Variants in ZSWIM6 observed in about 807,000 individuals in gnomAD.
ZSWIM6 encodes zinc finger SWIM domain-containing protein 6.
Under a neutral mutation model 113.2 loss-of-function variants are expected in ZSWIM6, and 9 were observed. That is an observed-to-expected ratio of 0.08 (90% CI 0.05 to 0.14). ZSWIM6 has a LOEUF of 0.14. Among genes scored for constraint, ZSWIM6 ranks in the 10% least tolerant of loss-of-function variants. ZSWIM6 has a pLI of 1.00. For synonymous variants in ZSWIM6, 611 were observed against 606.5 expected (o/e 1.01, Z -0.11); for missense variants, 1,162 against 1,552.2 (o/e 0.75, Z 4.22).
At chr5:61,355,790 A>G (rs955227961) in intron 1 of ZSWIM6, among the ~76,000 whole-genome samples, 3 of 152,236 alleles carry the variant, frequency 2.0e-5, no homozygotes, top group Admixed American at 2.0e-4. Flanking sequence ...AATAAAAAGA[A>G]TGTAAAACAT....
rs1422977600 is a variant in ZSWIM6, at chr5:61,332,399, C to G, written c.127C>G (p.Arg43Gly). The G allele has an allele frequency of 1.8e-5, 18 of 990,916 alleles. No individual in the cohort carries two copies. The highest frequency in any genetic ancestry group is 4.5e-5 in the South Asian group (1 of 22,078). The allele number at this position is 990,916 out of a possible 1,614,324, so 61.4% of individuals were successfully genotyped here. A position where few individuals can be genotyped will look rare whatever the true frequency, so the allele number is the denominator to read the frequency against. Residue 43 changes from arginine (R) to glycine (G), a missense_variant, in exon 1 of 14, where the codon CGG becomes GGG. Arg to Gly is a moderately radical substitution (Grantham distance 125). This residue lies in a region of ZSWIM6 where 333 missense variants were observed against 293.4 expected (regional missense o/e 1.13). Coordinates refer to ENST00000252744, the MANE Select transcript of ZSWIM6 (RefSeq NM_020928.2). ...GGGTGGCGGCTACAGCTCTGCCTGT[C>G]GGCCAGGCCCGCGGGCGGGTGGCGC... ...GAGGGYSSAC[R>G]PGPRAGGAAA...
chr5:61,529,566 C>G (rs921811290), intron 7 of ZSWIM6, among the ~76,000 whole-genome samples: 1 of 152,198 alleles, frequency 6.6e-6, no homozygotes, highest in African/African-American at 2.4e-5. Flanking sequence ...ATTTACATGA[C>G]CCAGTTAACA....
intron 10 of ZSWIM6, among the ~76,000 whole-genome samples, chr5:61,535,888 A>G (rs1749560232): frequency 1.3e-5 from 2 of 152,270 alleles, no homozygotes; most frequent in Non-Finnish European, 1.5e-5. Context: ...AATTCAAGCC[A>G]AGTTTAATCA....
intron 1 of ZSWIM6, among the ~76,000 whole-genome samples, chr5:61,446,746 C>G (rs1746961800): frequency 6.6e-6 from 1 of 152,166 alleles, no homozygotes. Flanking sequence ...GATGTATTTA[C>G]TTAATTTATG....
At chr5:61,457,077 C>T (rs1402708131) in intron 1 of ZSWIM6, among the ~76,000 whole-genome samples, 1 of 151,514 alleles carries the variant, frequency 6.6e-6, no homozygotes, top group Non-Finnish European at 1.5e-5. Flanking sequence ...CACCACAGTC[C>T]CCAGAGTGTG....
intron 6 of ZSWIM6, 125 bp from the exon 7 acceptor site, chr5:61,526,125 C>A: frequency 7.0e-7 from 1 of 1,422,602 alleles, no homozygotes; most frequent in Non-Finnish European, 9.4e-7. Context: ...CATTCAAATC[C>A]AAGTTCAGGA....
chr5:61,336,762 G>GA (rs541212335), intron 1 of ZSWIM6, among the ~76,000 whole-genome samples: 232 of 150,262 alleles, frequency 1.5e-3, no homozygotes, highest in Admixed American at 2.6e-3. Flanking sequence ...GTCTCAAGAG[G>GA]AAAAAAAAAT....
In ZSWIM6 at chr5:61,494,394, G is replaced by C. The variant is rs1362151427; in HGVS notation, c.1317G>C (p.Gln439His). The C allele has an allele frequency of 6.4e-7, 1 of 1,550,998 alleles. No homozygotes were observed. The highest frequency in any genetic ancestry group is 8.7e-7 in the Non-Finnish European group (1 of 1,146,498). The change falls in exon 4 of 14, where the codon CAG (glutamine) becomes CAC (histidine). Residue 439 changes from glutamine (Q) to histidine (H), a missense_variant. Coordinates refer to ENST00000252744, the MANE Select transcript of ZSWIM6 (RefSeq NM_020928.2). The part of the protein sequence containing the change: ...QGTAMTDKYR[Q>H]LWDELGALWM... Reference sequence around the variant, plus strand: ...CTGCAATGACTGACAAATACAGGCAGCTCTGGGATGAGCTGGGTAAGCATG... The same window carrying C: ...CTGCAATGACTGACAAATACAGGCACCTCTGGGATGAGCTGGGTAAGCATG...
intron 1 of ZSWIM6, among the ~76,000 whole-genome samples, chr5:61,365,016 G>A (rs571401083): frequency 1.0e-3 from 158 of 152,238 alleles, no homozygotes; most frequent in Admixed American, 2.4e-3. Flanking sequence ...GAAAAAGTTT[G>A]CTGACCCCTG....
At chr5:61,344,016 C>T (rs1744601921) in intron 1 of ZSWIM6, among the ~76,000 whole-genome samples, 1 of 151,912 alleles carries the variant, frequency 6.6e-6, no homozygotes, top group African/African-American at 2.4e-5. Flanking sequence ...GCCTCAGCCT[C>T]CTGAGAAGCT....
At chr5:61,434,947 C>A (rs555330638) in intron 1 of ZSWIM6, among the ~76,000 whole-genome samples, 4 of 152,106 alleles carry the variant, frequency 2.6e-5, no homozygotes, top group South Asian at 2.1e-4. Flanking sequence ...ATACAATATG[C>A]CCTTAAAATA....
intron 1 of ZSWIM6, among the ~76,000 whole-genome samples, chr5:61,439,662 T>G (rs1746783706): frequency 6.6e-6 from 1 of 152,206 alleles, no homozygotes; most frequent in Non-Finnish European, 1.5e-5. Context: ...TGCTTCCAGT[T>G]TTTGGCTATC....
intron 1 of ZSWIM6, among the ~76,000 whole-genome samples, chr5:61,334,757 C>A (rs191812273): frequency 2.0e-5 from 3 of 152,248 alleles, no homozygotes; most frequent in African/African-American, 4.8e-5. Context: ...AATTAACATT[C>A]TTCCTAGTTA....
intron 1 of ZSWIM6, among the ~76,000 whole-genome samples, chr5:61,363,272 A>G (rs981588835): frequency 6.6e-6 from 1 of 152,244 alleles, no homozygotes; most frequent in Non-Finnish European, 1.5e-5. Context: ...GAATGATTAC[A>G]TCAACTCGTG....
intron 1 of ZSWIM6, among the ~76,000 whole-genome samples, chr5:61,423,123 A>G (rs1253843316): frequency 4.6e-5 from 7 of 152,150 alleles, no homozygotes; most frequent in East Asian, 3.9e-4. Context: ...AATAGTGGTG[A>G]GGGCCAGGCG....
At chr5:61,343,620 G>C (rs1561199517) in intron 1 of ZSWIM6, among the ~76,000 whole-genome samples, 1 of 152,078 alleles carries the variant, frequency 6.6e-6, no homozygotes, top group Non-Finnish European at 1.5e-5. Context: ...TTCTGGTGTG[G>C]CTGTAGGTCT....
chr5:61,513,052 A>T (rs1748831137), intron 4 of ZSWIM6, among the ~76,000 whole-genome samples: 1 of 152,024 alleles, frequency 6.6e-6, no homozygotes, highest in Non-Finnish European at 1.5e-5. Context: ...ATGTATAATG[A>T]TACATGTATC....
chr5:61,528,483 A>G (rs1580065568), intron 7 of ZSWIM6, among the ~76,000 whole-genome samples: 2 of 151,700 alleles, frequency 1.3e-5, no homozygotes, highest in African/African-American at 4.8e-5. Context: ...CTTTTTTCCT[A>G]CTAATTATGT....
intron 1 of ZSWIM6, among the ~76,000 whole-genome samples, chr5:61,362,645 C>G (rs1480611607): frequency 6.6e-6 from 1 of 152,128 alleles, no homozygotes; most frequent in African/African-American, 2.4e-5. Context: ...GTTGGTGTCC[C>G]TATCGTCTAA....
Sources: gnomAD v4.1 joint callset for allele counts (sites outside exome capture counted in the v4.1 genomes callset) on GRCh38, gnomAD v4.1.1 for gene constraint, gnomAD v4.1.1 regional missense constraint, MANE v1.5 for transcripts, NCBI Gene and HGNC (gene_info 2026-07-23, HGNC 2026-07-21) for gene names.